The following MICAL3 variants were observed in gnomAD, a reference collection of about 807,000 sequenced individuals.
MICAL3 encodes the protein [F-actin]-monooxygenase MICAL3.
Under a neutral mutation model 207.4 loss-of-function variants are expected in MICAL3, and 62 were observed. That is an observed-to-expected ratio of 0.30 (90% CI 0.24 to 0.37). MICAL3 has a LOEUF of 0.37. Among genes scored for constraint, MICAL3 ranks in the 10% least tolerant of loss-of-function variants. The pLI is 1.00. For missense variants in MICAL3, 2,368 were observed against 2,635.6 expected, an observed-to-expected ratio of 0.90 and a Z score of 2.22; for synonymous variants, 1,077 against 1,069.3, an observed-to-expected ratio of 1.01 and a Z score of -0.14.
At chr22:17,871,219 T>C (rs551993855) in intron 17 of MICAL3, among the ~76,000 whole-genome samples, 5 of 152,350 alleles carry the variant, frequency 3.3e-5, no homozygotes, top group Admixed American at 6.5e-5. Context: ...CAGAATTCTC[T>C]ACTGTTACCT....
Position 17,902,381 on chromosome 22 carries a change from A to G in MICAL3, c.589+250T>C, listed in dbSNP as rs566474365. On this transcript the variant is annotated intron_variant, in intron 4 of 31. Transcript: ENST00000441493. The surrounding 1 kb of genome is among the most constrained non-coding windows in gnomAD (Gnocchi z 4.5). ...GGCTAGGCGACAGAGTGAGACTCTCATCTAACAAAGAAAAAGCAGTGGGGA... is the reference window on the plus strand; with the variant it reads ...GGCTAGGCGACAGAGTGAGACTCTCGTCTAACAAAGAAAAAGCAGTGGGGA... 6.6e-6 allele frequency among the ~76,000 whole-genome samples: 1 copy of G among 152,336 alleles called. No homozygotes were observed.
In MICAL3 at chr22:17,827,664, G is replaced by A; in HGVS notation, c.3173C>T (p.Ser1058Phe). The change falls in exon 22 of 32, where the codon TCT becomes TTT. Residue 1058 changes from serine (S) to phenylalanine (F), a missense_variant. This residue lies in a region of MICAL3 where 1,770 missense variants were observed against 1,863.2 expected (regional missense o/e 0.95). Transcript: ENST00000441493. ...REEEERMAPA[S>F]ESSASGAPLD... ...TTTACCTCCGGAAGCAGAGGACTCAGAGGCCGGCGCCATCCTCTCTTCCTC... is the reference window on the plus strand; with the variant it reads ...TTTACCTCCGGAAGCAGAGGACTCAAAGGCCGGCGCCATCCTCTCTTCCTC... 1 of 1,574,636 alleles carries A rather than the reference G, an allele frequency of 6.4e-7. No homozygotes were observed. The highest frequency in any genetic ancestry group is 8.6e-7 in the Non-Finnish European group (1 of 1,160,398).
intron 2 of MICAL3, among the ~76,000 whole-genome samples, chr22:17,905,658 G>C (rs759408123): frequency 1.8e-4 from 28 of 152,312 alleles, no homozygotes; most frequent in Admixed American, 3.9e-4. Flanking sequence ...GCTCGTGAAA[G>C]AACATAACGT....
chr22:17,872,091 C>A, intron 16 of MICAL3, 68 bp from the exon 17 acceptor site: 1 of 1,403,054 alleles, frequency 7.1e-7, no homozygotes, highest in South Asian at 1.3e-5. Flanking sequence ...CTCCTAGAGG[C>A]ACAGCCTTGC....
chr22:17,916,986 T>C (rs534895248), intron 1 of MICAL3, among the ~76,000 whole-genome samples: 31 of 152,336 alleles, frequency 2.0e-4, no homozygotes, highest in African/African-American at 6.7e-4. Flanking sequence ...TCAGTTGGCA[T>C]AAAAGGAAAC....
chr22:17,872,737 C>T (rs752207582), intron 16 of MICAL3: 24 of 1,541,156 alleles, frequency 1.6e-5, no homozygotes, highest in Middle Eastern at 1.7e-4. Flanking sequence ...TGCCTGGAGG[C>T]GTCTCTTACC....
intron 1 of MICAL3, among the ~76,000 whole-genome samples, chr22:17,996,427 G>A (rs1185919600): frequency 3.3e-5 from 5 of 149,290 alleles, no homozygotes; most frequent in African/African-American, 9.9e-5. Context: ...CTGGCCCACA[G>A]AGCAAGACTC....
At chr22:17,913,814 C>T (rs1166316484) in intron 1 of MICAL3, among the ~76,000 whole-genome samples, 2 of 152,164 alleles carry the variant, frequency 1.3e-5, no homozygotes, top group Non-Finnish European at 1.5e-5. Context: ...CTGACCTCTG[C>T]CTTGCAGTTC....
Position 17,891,651 on chromosome 22 carries a change from GTAT to G in MICAL3, c.1547-22_1547-20del. 6.2e-7 allele frequency: 1 copy of G among 1,611,342 alleles called. No individual in the cohort carries two copies. The highest frequency in any genetic ancestry group is 8.5e-7 in the Non-Finnish European group (1 of 1,178,004). On this transcript the variant is annotated intron_variant, in intron 11 of 31. Coordinates refer to ENST00000441493, the MANE Select transcript of MICAL3 (RefSeq NM_015241.3). ...ACAGACTCTAAAACAACAAAACACA[GTAT>G]TATTGGAGGTGTGGTCACCTGGTAA... is the stretch of plus-strand genomic sequence containing the variant.
chr22:17,904,171 C>G (rs987473248), intron 3 of MICAL3, among the ~76,000 whole-genome samples: 5 of 152,234 alleles, frequency 3.3e-5, no homozygotes, highest in African/African-American at 7.2e-5. Context: ...GTGGCTCCCC[C>G]CAGGACTGTG....
Position 17,975,024 on chromosome 22 carries a change from T to C in MICAL3, c.-75+49257A>G, listed in dbSNP as rs1013020338. Among the ~76,000 whole-genome samples the C allele has an allele frequency of 2.0e-5, 3 of 152,176 alleles. No homozygotes were observed. In the South Asian group the frequency reaches 6.2e-4, roughly 32 times the overall value. On this transcript the variant is annotated intron_variant, in intron 1 of 31. Coordinates refer to ENST00000441493, the MANE Select transcript of MICAL3 (RefSeq NM_015241.3). ...AGCATGGACCACATCACACCCATCC[T>C]CAAAGCATGGAAACATTCCCAGGAA...
intron 16 of MICAL3, chr22:17,872,769 G>T: frequency 6.2e-7 from 1 of 1,612,830 alleles, no homozygotes; most frequent in Non-Finnish European, 8.5e-7. Flanking sequence ...GTCTAGAAGG[G>T]CTTTGGGTTG....
intron 1 of MICAL3, among the ~76,000 whole-genome samples, chr22:17,998,486 G>A (rs1214781861): frequency 6.6e-6 from 1 of 151,558 alleles, no homozygotes; most frequent in Non-Finnish European, 1.5e-5. Context: ...TCATGAAAAA[G>A]CTTTCACTTC....
In MICAL3 at chr22:17,821,512, G is replaced by A; in HGVS notation, c.3449-3C>T. ...GGGGCTGGTGGCTTGGGAGGGACCT[G>A]AAAAGAATGAACACAGGGACTTACA... is the stretch of plus-strand genomic sequence containing the variant. On this transcript the variant is annotated splice_region_variant and splice_polypyrimidine_tract_variant and intron_variant, in intron 24 of 31. Coordinates refer to ENST00000441493, the MANE Select transcript of MICAL3 (RefSeq NM_015241.3). The A allele has an allele frequency of 6.5e-7, 1 of 1,537,500 alleles. No homozygotes were observed. Among genetic ancestry groups the A allele is most frequent in the African/African-American group, 1.4e-5 (1 of 71,774 alleles).
chr22:17,969,296 C>T (rs1331846671), intron 1 of MICAL3, among the ~76,000 whole-genome samples: 1 of 152,240 alleles, frequency 6.6e-6, no homozygotes, highest in Non-Finnish European at 1.5e-5. Flanking sequence ...GCCTCGGCCT[C>T]CCAAAGTGCT....
intron 1 of MICAL3, among the ~76,000 whole-genome samples, chr22:17,941,950 C>T (rs1933826647): frequency 6.6e-6 from 1 of 152,200 alleles, no homozygotes; most frequent in Non-Finnish European, 1.5e-5. Flanking sequence ...CAGAGGTTCA[C>T]CCACCTTCAA....
chr22:17,958,704 T>G (rs1569147192), intron 1 of MICAL3, among the ~76,000 whole-genome samples: 2 of 134,050 alleles, frequency 1.5e-5, no homozygotes, highest in African/African-American at 3.5e-5. Context: ...TGGGTTTTTT[T>G]ATTTTTTTTT....
intron 29 of MICAL3, among the ~76,000 whole-genome samples, chr22:17,799,949 AAC>A (rs3078144): frequency 0.039 from 5,643 of 146,398 alleles, 159 homozygotes; most frequent in East Asian, 0.19. Flanking sequence ...CTCACTCTAA[AAC>A]ACACACACAC....
chr22:17,861,698 A>G (rs1926530379), intron 19 of MICAL3: 1 of 985,336 alleles, frequency 1.0e-6, no homozygotes, highest in South Asian at 4.7e-5. Context: ...TGCCAGGACC[A>G]CTAACACGCA....
Sources: allele counts gnomAD v4.1 joint callset (sites outside exome capture counted in the v4.1 genomes callset), GRCh38; gene constraint gnomAD v4.1.1; regional missense constraint gnomAD v4.1.1; non-coding constraint Gnocchi (gnomAD v3.1); transcripts MANE v1.5; gene names NCBI Gene and HGNC (gene_info 2026-07-23, HGNC 2026-07-21).